EXPH5: variants seen among roughly 807,000 people sequenced by gnomAD.
EXPH5 encodes exophilin-5.
In EXPH5, 42 loss-of-function variants were observed where a neutral mutation model predicts 41.1. That is an observed-to-expected ratio of 1.02 (90% confidence interval 0.80 to 1.32). The LOEUF (loss-of-function observed/expected upper bound fraction) is 1.32, where lower values mean the gene tolerates loss of function less well. Among genes scored for constraint, EXPH5 ranks in the 40% most tolerant of loss-of-function variants. The pLI is 0.00. For missense variants in EXPH5, 2,298 were observed against 2,314.5 expected (o/e 0.99, Z 0.15); for synonymous variants, 798 against 833.5 (o/e 0.96, Z 0.73).
At chr11:108,602,132 T>G in the EXPH5 span, among the ~76,000 whole-genome samples, 15 of 152,336 alleles carry the variant, frequency 9.8e-5, no homozygotes, top group South Asian at 2.9e-3. Flanking sequence ...TTAATGTGCT[T>G]CCCCTCATAG....
At chr11:108,520,179 T>G (rs2093756235) in intron 4 of EXPH5, among the ~76,000 whole-genome samples, 1 of 152,146 alleles carries the variant, frequency 6.6e-6, no homozygotes, top group African/African-American at 2.4e-5. Context: ...CGTTAGATTC[T>G]CACAGGATTG....
At chr11:108,573,149 A>AAAGAAAGG (rs1274966321) in intron 1 of EXPH5, among the ~76,000 whole-genome samples, 1 of 126,444 alleles carries the variant, frequency 7.9e-6, no homozygotes, top group Non-Finnish European at 1.6e-5. Flanking sequence ...GGAAAGAAAG[A>AAAGAAAGG]AAGAAAGAAA....
At position 108,560,887 on chromosome 11, in the gene EXPH5, T is replaced by C. The variant is rs112526840; in HGVS notation, c.120-19075A>G. ...CACTATCATTTTAACTTTCAGATTC[T>C]AGTATCTAAATTCCTCTTTCTCAAT... On this transcript the variant is annotated intron_variant, in intron 1 of 5. Transcript: ENST00000265843. Among the ~76,000 whole-genome samples the C allele has an allele frequency of 5.3e-3, 813 of 152,366 alleles. 5 individuals are homozygous for C. The highest frequency in any genetic ancestry group is 0.017 in the African/African-American group (715 of 41,582).
chr11:108,549,263 G>C (rs984218401), intron 1 of EXPH5, among the ~76,000 whole-genome samples: 2 of 152,208 alleles, frequency 1.3e-5, no homozygotes, highest in African/African-American at 4.8e-5. Context: ...TGCTAGGCCA[G>C]AGGCCCAGCC....
At chr11:108,548,918 C>G (rs537955445) in intron 1 of EXPH5, among the ~76,000 whole-genome samples, 2 of 152,192 alleles carry the variant, frequency 1.3e-5, no homozygotes, top group Non-Finnish European at 2.9e-5. Context: ...AACTTGAGGA[C>G]AGTACTTTCT....
chr11:108,556,006 C>T (rs1405417002), intron 1 of EXPH5, among the ~76,000 whole-genome samples: 1 of 152,182 alleles, frequency 6.6e-6, no homozygotes, highest in African/African-American at 2.4e-5. Flanking sequence ...CATACAGGAG[C>T]AAGAGCGATG....
At chr11:108,532,347 TATATATATATATATATATA>T (rs2093844192) in intron 3 of EXPH5, among the ~76,000 whole-genome samples, 1 of 8,172 alleles carries the variant, frequency 1.2e-4, no homozygotes, top group Non-Finnish European at 2.4e-4. Context: ...TGGATATATA[TATATATATATATATATATA>T]TTTTTTTTTT....
intron 1 of EXPH5, among the ~76,000 whole-genome samples, chr11:108,583,386 A>AT (rs1319773652): frequency 3.3e-5 from 5 of 150,396 alleles, no homozygotes; most frequent in African/African-American, 1.2e-4. Context: ...AAAAAAATAA[A>AT]AAAAAAAATA....
rs533456223 is a variant in EXPH5, at chr11:108,591,356, A to G, written c.119+2062T>C. ...CTGCATGCCAATATCTGATACTGAA[A>G]TTAATACATGTGAGCCTGAAGTGGG... On this transcript the variant is annotated intron_variant, in intron 1 of 5. Coordinates refer to ENST00000265843, the MANE Select transcript of EXPH5 (RefSeq NM_015065.3). 2.0e-5 allele frequency among the ~76,000 whole-genome samples: 3 copies of G among 152,320 alleles called. No homozygotes were observed. In the South Asian group the frequency reaches 6.2e-4, roughly 32 times the overall value.
Position 108,512,360 on chromosome 11 carries a change from TG to T in EXPH5, c.3146del (p.Pro1049HisfsTer19). On this transcript the variant is annotated frameshift_variant, in exon 6 of 6. Transcript: ENST00000265843. LOFTEE classifies it low-confidence loss of function (END_TRUNC). ...CATTATTTTTGATTTGGAAGGGAGGTGGCCCATTCCTCAATGAAGCAGCCAT... is the reference window on the plus strand; with the variant it reads ...CATTATTTTTGATTTGGAAGGGAGGTGCCCATTCCTCAATGAAGCAGCCAT... ...KIMAASLRNG[P>X]PPFQIKNNVE... 2 of 1,611,316 alleles carry T rather than the reference TG, an allele frequency of 1.2e-6. No individual in the cohort carries two copies. The highest frequency in any genetic ancestry group is 1.7e-6 in the Non-Finnish European group (2 of 1,179,042).
At chr11:108,606,276 C>G in the EXPH5 span, among the ~76,000 whole-genome samples, 11 of 152,206 alleles carry the variant, frequency 7.2e-5, no homozygotes, top group Non-Finnish European at 1.5e-4. Context: ...TCCCCCACAC[C>G]AGTCCCTGTC....
In EXPH5 at chr11:108,510,346, C is replaced by T. The variant is rs747413875; in HGVS notation, c.5161G>A (p.Ala1721Thr). ...SKHENSKDVT[A>T]AQNLVRESGA... ...GATTCTCTTACTAAATTCTGAGCTGCTGTGACGTCTTTAGAATTCTCATGC... is the reference window on the plus strand; with the variant it reads ...GATTCTCTTACTAAATTCTGAGCTGTTGTGACGTCTTTAGAATTCTCATGC... Residue 1721 changes from alanine (A) to threonine (T), a missense_variant, in exon 6 of 6, where the codon GCA becomes ACA. Coordinates refer to ENST00000265843, the MANE Select transcript of EXPH5 (RefSeq NM_015065.3). 1.9e-6 allele frequency: 3 copies of T among 1,614,166 alleles called. No homozygotes were observed. Among genetic ancestry groups the T allele is most frequent in the East Asian group, 4.5e-5 (2 of 44,888 alleles).
At chr11:108,547,799 C>T (rs940046529) in intron 1 of EXPH5, among the ~76,000 whole-genome samples, 9 of 151,954 alleles carry the variant, frequency 5.9e-5, no homozygotes, top group African/African-American at 1.9e-4. Context: ...GGCAATTGAG[C>T]GTTTCGTCAA....
At position 108,511,601 on chromosome 11, in the gene EXPH5, T is replaced by G. The variant is rs752134091; in HGVS notation, c.3906A>C (p.Thr1302=). The change falls in exon 6 of 6, where the codon ACA becomes ACC. Residue 1302 remains threonine, a synonymous_variant. Transcript: ENST00000265843. ...ATGAAGGTGTTCCTGACTGCTCTCG[T>G]GTAGAATAATTCTGTTTGTCTTTTT... ...ALEKDKQNYS[T]REQSGTPSCE... 6.2e-7 allele frequency: 1 copy of G among 1,613,506 alleles called. No homozygotes were observed. Among genetic ancestry groups the G allele is most frequent in the South Asian group, 1.1e-5 (1 of 90,842 alleles).
chr11:108,590,685 T>C (rs182848699), intron 1 of EXPH5, among the ~76,000 whole-genome samples: 47 of 152,336 alleles, frequency 3.1e-4, no homozygotes, highest in Non-Finnish European at 2.2e-4. Context: ...GGGTCTCTAC[T>C]GTGTCACTCT....
At chr11:108,537,076 T>G (rs1490581471) in intron 3 of EXPH5, among the ~76,000 whole-genome samples, 1 of 152,064 alleles carries the variant, frequency 6.6e-6, no homozygotes, top group Non-Finnish European at 1.5e-5. Context: ...ATTTTCTATT[T>G]CAGATCAACA....
At chr11:108,554,088 G>A (rs2093980191) in intron 1 of EXPH5, among the ~76,000 whole-genome samples, 1 of 149,442 alleles carries the variant, frequency 6.7e-6, no homozygotes, top group Non-Finnish European at 1.5e-5. Context: ...TTTGGTGACA[G>A]GGTCTTGCTC....
At chr11:108,599,374 T>C in the EXPH5 span, among the ~76,000 whole-genome samples, 4 of 152,246 alleles carry the variant, frequency 2.6e-5, no homozygotes, top group African/African-American at 7.2e-5. Flanking sequence ...TATGCATGTG[T>C]ATAAAGCTAT....
the EXPH5 span, among the ~76,000 whole-genome samples, chr11:108,605,228 T>C: frequency 1.3e-5 from 2 of 152,148 alleles, no homozygotes; most frequent in Non-Finnish European, 2.9e-5. Flanking sequence ...ATCATTTCCA[T>C]AAAGAGTTGA....
Sources: allele counts gnomAD v4.1 joint callset (sites outside exome capture counted in the v4.1 genomes callset), GRCh38; gene constraint gnomAD v4.1.1; transcripts MANE v1.5; gene names NCBI Gene and HGNC (gene_info 2026-07-23, HGNC 2026-07-21).